TFEC: variants seen among roughly 807,000 people sequenced by gnomAD.
The protein encoded by TFEC is class E basic helix-loop-helix protein 34.
In TFEC, 31 loss-of-function variants were observed where a neutral mutation model predicts 41.6. The ratio of observed to expected loss-of-function variants is 0.74; its 90% CI spans 0.56 to 1.01. The LOEUF (loss-of-function observed/expected upper bound fraction) is 1.01, where lower values mean the gene tolerates loss of function less well. Among genes scored for constraint, TFEC ranks in the 50% least tolerant of loss-of-function variants. The probability of loss-of-function intolerance (pLI) is 0.00; values close to 1 mark genes in which losing one functional copy is unlikely to be tolerated. For missense variants in TFEC, 402 were observed against 404.1 expected (o/e 0.99, Z 0.04); for synonymous variants, 143 against 140.6 (o/e 1.02, Z -0.12).
chr7:115,985,773 T>C (rs1378954038), intron 1 of TFEC, among the ~76,000 whole-genome samples: 1 of 152,172 alleles, frequency 6.6e-6, no homozygotes, highest in South Asian at 2.1e-4. Flanking sequence ...TATATTGCTA[T>C]GAGCTTTAAA....
intron 3 of TFEC, among the ~76,000 whole-genome samples, chr7:116,070,146 ATG>A (rs777262615): frequency 5.4e-4 from 82 of 151,008 alleles, no homozygotes; most frequent in Non-Finnish European, 9.5e-4. Flanking sequence ...ATATATGTAT[ATG>A]TGTGTGTGTG....
intron 5 of TFEC, among the ~76,000 whole-genome samples, chr7:115,951,639 T>A (rs2130360743): frequency 6.6e-6 from 1 of 152,240 alleles, no homozygotes; most frequent in East Asian, 1.9e-4. Flanking sequence ...CTAATTTTAG[T>A]GTGTCCTGGA....
At chr7:115,985,974 G>C (rs1793837114) in intron 1 of TFEC, among the ~76,000 whole-genome samples, 1 of 152,236 alleles carries the variant, frequency 6.6e-6, no homozygotes, top group African/African-American at 2.4e-5. Context: ...AAAGAACATT[G>C]TATACCTACA....
upstream of TFEC, chr7:116,030,874 A>G (rs771697276): frequency 3.2e-4 from 306 of 964,890 alleles, no homozygotes; most frequent in South Asian, 9.1e-4. Context: ...AAGAAATGAC[A>G]CAGCAGTTTC....
intron 2 of TFEC, among the ~76,000 whole-genome samples, chr7:115,975,680 G>C (rs1035315273): frequency 6.6e-6 from 1 of 152,062 alleles, no homozygotes; most frequent in Non-Finnish European, 1.5e-5. Flanking sequence ...AGTGGGCTGA[G>C]GAAATTAAAG....
intron 1 of TFEC, among the ~76,000 whole-genome samples, chr7:116,114,038 AG>A (rs1797916280): frequency 6.6e-6 from 1 of 152,098 alleles, no homozygotes; most frequent in Non-Finnish European, 1.5e-5. Flanking sequence ...GAAAAATAAA[AG>A]TAACACATTT....
intron 3 of TFEC, among the ~76,000 whole-genome samples, chr7:116,046,737 T>C (rs79968731): frequency 0.21 from 32,337 of 152,138 alleles, 3,591 homozygotes; most frequent in East Asian, 0.27. Context: ...TACTCCCCAC[T>C]GTACTTCACC....
chr7:116,075,323 T>A (rs1277314853), intron 3 of TFEC, among the ~76,000 whole-genome samples: 3 of 152,096 alleles, frequency 2.0e-5, no homozygotes, highest in Non-Finnish European at 2.9e-5. Context: ...GTGTGGAGAC[T>A]CACATCATGA....
At position 115,944,810 on chromosome 7, in the gene TFEC, C is replaced by T. The variant is rs186419556; in HGVS notation, c.516-2770G>A. Among the ~76,000 whole-genome samples the T allele has an allele frequency of 6.0e-4, 90 of 151,250 alleles. 2 individuals are homozygous for T. Among genetic ancestry groups the T allele is most frequent in the African/African-American group, 2.1e-3 (86 of 41,386 alleles). On this transcript the variant is annotated intron_variant, in intron 6 of 7. Coordinates refer to ENST00000265440, the MANE Select transcript of TFEC (RefSeq NM_012252.4). ...AAATGCATCTGTCATAAGAAATACG[C>T]TTTATATAGTGACTTGGCACACTCT...
At chr7:116,050,241 C>G (rs1796275029) in intron 3 of TFEC, among the ~76,000 whole-genome samples, 3 of 151,736 alleles carry the variant, frequency 2.0e-5, no homozygotes, top group Admixed American at 2.0e-4. Context: ...GCTAGCAAGA[C>G]TAATAAAGAA....
chr7:116,058,450 T>C (rs1445753131), intron 3 of TFEC, among the ~76,000 whole-genome samples: 1 of 136,382 alleles, frequency 7.3e-6, no homozygotes, highest in East Asian at 2.3e-4. Context: ...AAGTCAGATA[T>C]CTTAATAACT....
chr7:116,014,200 T>C (rs1373739737), intron 1 of TFEC, among the ~76,000 whole-genome samples: 5 of 152,112 alleles, frequency 3.3e-5, no homozygotes, highest in Admixed American at 3.3e-4. Flanking sequence ...CAGAAAATAA[T>C]ATTATTTTCA....
chr7:116,099,869 G>T (rs1797564950), intron 3 of TFEC, among the ~76,000 whole-genome samples: 1 of 152,162 alleles, frequency 6.6e-6, no homozygotes, highest in South Asian at 2.1e-4. Flanking sequence ...AAATAAATGG[G>T]TTAATCCAAT....
chr7:116,057,833 A>G (rs1796464868), intron 3 of TFEC, among the ~76,000 whole-genome samples: 1 of 151,840 alleles, frequency 6.6e-6, no homozygotes, highest in South Asian at 2.1e-4. Context: ...AAATTGTGGT[A>G]AGTTAAAGAA....
chr7:116,047,581 A>G (rs1349419509), intron 3 of TFEC, among the ~76,000 whole-genome samples: 2 of 152,208 alleles, frequency 1.3e-5, no homozygotes, highest in African/African-American at 4.8e-5. Flanking sequence ...AGGGCAGGGC[A>G]TAGCTGAACA....
intron 2 of TFEC, among the ~76,000 whole-genome samples, chr7:115,982,276 T>G (rs924210348): frequency 1.3e-5 from 2 of 151,510 alleles, no homozygotes; most frequent in Admixed American, 6.6e-5. Flanking sequence ...TCTGCCCTTG[T>G]GTTAAAAATT....
At chr7:116,091,008 T>C (rs1473170202) in intron 3 of TFEC, among the ~76,000 whole-genome samples, 1 of 151,882 alleles carries the variant, frequency 6.6e-6, no homozygotes, top group African/African-American at 2.4e-5. Flanking sequence ...GAGAAGTACC[T>C]AATGTAGATG....
intron 1 of TFEC, among the ~76,000 whole-genome samples, chr7:115,995,789 C>T (rs115805878): frequency 0.026 from 4,012 of 152,144 alleles, 68 homozygotes; most frequent in Non-Finnish European, 0.038. Context: ...AAGAGTGCAG[C>T]GACTGTGGAA....
At chr7:116,110,300 A>T (rs957487182) in intron 3 of TFEC, among the ~76,000 whole-genome samples, 5 of 152,104 alleles carry the variant, frequency 3.3e-5, no homozygotes, top group African/African-American at 9.7e-5. Flanking sequence ...GTTTTTAAAA[A>T]TTTTCTCTCT....
Sources: gnomAD v4.1 joint callset for allele counts (sites outside exome capture counted in the v4.1 genomes callset) on GRCh38, gnomAD v4.1.1 for gene constraint, MANE v1.5 for transcripts, NCBI Gene and HGNC (gene_info 2026-07-23, HGNC 2026-07-21) for gene names.